Variants in DIXDC1 observed in about 807,000 individuals in gnomAD.
The protein encoded by DIXDC1 is dixin.
Under a neutral mutation model 103.1 loss-of-function variants are expected in DIXDC1, and 64 were observed. The ratio of observed to expected loss-of-function variants is 0.62; its 90% CI spans 0.51 to 0.76. The LOEUF (loss-of-function observed/expected upper bound fraction) is 0.76. Among genes scored for constraint, DIXDC1 ranks in the 30% least tolerant of loss-of-function variants. DIXDC1 has a pLI of 0.00. For synonymous variants in DIXDC1, 266 were observed against 298.5 expected, an observed-to-expected ratio of 0.89 and a Z score of 1.12; for missense variants, 759 against 834.2, an observed-to-expected ratio of 0.91 and a Z score of 1.11.
At chr11:111,947,141 G>C (rs983084840) in intron 1 of DIXDC1, among the ~76,000 whole-genome samples, 2 of 152,088 alleles carry the variant, frequency 1.3e-5, no homozygotes, top group African/African-American at 2.4e-5. Context: ...TAGGGGTGGG[G>C]GCTTGAGGGT....
intron 1 of DIXDC1, among the ~76,000 whole-genome samples, chr11:111,953,001 C>T (rs781950116): frequency 6.6e-6 from 1 of 151,714 alleles, no homozygotes; most frequent in African/African-American, 2.4e-5. Context: ...AAAAACCAAA[C>T]AAAGAAAAAA....
At chr11:111,997,382 C>G (rs1555175494) in intron 17 of DIXDC1, among the ~76,000 whole-genome samples, 1 of 151,796 alleles carries the variant, frequency 6.6e-6, no homozygotes, top group South Asian at 2.1e-4. Flanking sequence ...GTTGCCCAGG[C>G]TGGAGTGCAG....
intron 17 of DIXDC1, among the ~76,000 whole-genome samples, chr11:112,011,195 A>G (rs1254397754): frequency 6.6e-6 from 1 of 152,256 alleles, no homozygotes; most frequent in African/African-American, 2.4e-5. Context: ...CAACAGACAC[A>G]TGAAAAAATG....
intron 7 of DIXDC1, among the ~76,000 whole-genome samples, chr11:111,983,959 T>C (rs1194849321): frequency 1.3e-5 from 2 of 152,218 alleles, no homozygotes; most frequent in Non-Finnish European, 2.9e-5. Flanking sequence ...TAGAACCCTT[T>C]GAACAGTTTG....
intron 17 of DIXDC1, among the ~76,000 whole-genome samples, chr11:112,013,323 GGGGTGGGGT>G (rs1408428697): frequency 7.5e-6 from 1 of 133,578 alleles, no homozygotes; most frequent in African/African-American, 2.9e-5. Flanking sequence ...TCGGGGGGTG[GGGGTGGGGT>G]GGGGGGGGGG....
chr11:111,929,574 C>T (rs1262497360), intron 1 of DIXDC1, among the ~76,000 whole-genome samples: 1 of 140,976 alleles, frequency 7.1e-6, no homozygotes, highest in Non-Finnish European at 1.5e-5. Context: ...CGGAGTGAGA[C>T]CTTATCTCTA....
At chr11:112,015,233 T>A (rs985790146) in intron 17 of DIXDC1, 14 of 152,190 alleles carry the variant, frequency 9.2e-5, no homozygotes, top group African/African-American at 3.4e-4. Flanking sequence ...GAATGCCATT[T>A]GTGTTCAAAG....
intron 1 of DIXDC1, among the ~76,000 whole-genome samples, chr11:111,962,429 C>G (rs1859612044): frequency 6.6e-6 from 1 of 151,836 alleles, no homozygotes; most frequent in South Asian, 2.1e-4. Flanking sequence ...TTGCAATGAG[C>G]TGAGATCATG....
At position 111,958,078 on chromosome 11, in the gene DIXDC1, G is replaced by T. The variant is rs1859446893; in HGVS notation, c.61-6471G>T. ...CCTGGGCATCCCTGTGCTCTTGGGG[G>T]CCAGGAGCAGGCAGGAGCCCCACCC... On this transcript the variant is annotated intron_variant, in intron 1 of 19. Transcript: ENST00000440460. This position sits in a 1 kb window ranked among gnomAD's most constrained non-coding sequence, Gnocchi z 4.2. Among the ~76,000 whole-genome samples, 1 of 152,168 alleles carries T rather than the reference G, an allele frequency of 6.6e-6. No individual in the cohort carries two copies. Among genetic ancestry groups the T allele is most frequent in the Non-Finnish European group, 1.5e-5 (1 of 68,002 alleles).
At chr11:111,930,940 G>A (rs1007939705) in intron 2 of DIXDC1, among the ~76,000 whole-genome samples, 3 of 139,716 alleles carry the variant, frequency 2.1e-5, no homozygotes, top group Admixed American at 7.8e-5. Context: ...TGCAACCTCC[G>A]CCTCCTGGGT....
chr11:111,967,259 C>G (rs1366030394), intron 2 of DIXDC1, among the ~76,000 whole-genome samples: 3 of 152,170 alleles, frequency 2.0e-5, no homozygotes, highest in African/African-American at 7.2e-5. Context: ...TTCACACATC[C>G]TAATCAGAAA....
In DIXDC1 at chr11:112,021,120, T is replaced by C. The variant is rs1555178422; in HGVS notation, c.*2084T>C. On this transcript the variant is annotated 3_prime_UTR_variant, in exon 20 of 20. Transcript: ENST00000440460. Reference sequence around the variant, plus strand: ...CTCTCAGCAAACAGTCTTACTATTATGTGGAATTTAACTTTTCAGAGAAAA... The same window carrying C: ...CTCTCAGCAAACAGTCTTACTATTACGTGGAATTTAACTTTTCAGAGAAAA... 6.6e-6 allele frequency: 1 copy of C among 152,238 alleles called. No homozygotes were observed. 9.4% of individuals were successfully genotyped at this position (152,238 alleles called of 1,614,324 possible).
intron 17 of DIXDC1, among the ~76,000 whole-genome samples, chr11:112,012,503 AT>A (rs1344063672): frequency 2.6e-5 from 4 of 152,158 alleles, no homozygotes; most frequent in African/African-American, 9.7e-5. Flanking sequence ...TTAAAGATCT[AT>A]TTTTTTAAGT....
intron 2 of DIXDC1, among the ~76,000 whole-genome samples, chr11:111,930,316 C>CTA (rs1475513051): frequency 6.6e-6 from 1 of 152,098 alleles, no homozygotes; most frequent in Non-Finnish European, 1.5e-5. Flanking sequence ...CTTGCAGTCA[C>CTA]TATATATACA....
chr11:111,972,595 G>A (rs587696530), intron 3 of DIXDC1, among the ~76,000 whole-genome samples: 1 of 152,278 alleles, frequency 6.6e-6, no homozygotes, highest in East Asian at 1.9e-4. Flanking sequence ...CATGCCCTGT[G>A]TGATCCACCC....
chr11:111,947,536 C>T (rs1232173050), intron 1 of DIXDC1, among the ~76,000 whole-genome samples: 10 of 152,300 alleles, frequency 6.6e-5, no homozygotes, highest in African/African-American at 2.2e-4. Context: ...TCAGAGCTGG[C>T]AGTGGGCATT....
chr11:112,001,623 T>C (rs1555176009), intron 17 of DIXDC1, among the ~76,000 whole-genome samples: 1 of 152,086 alleles, frequency 6.6e-6, no homozygotes, highest in Non-Finnish European at 1.5e-5. Context: ...GATGAAATCA[T>C]AGTGCAGTCA....
chr11:111,950,426 A>ATG (rs1966747330), intron 1 of DIXDC1, among the ~76,000 whole-genome samples: 1 of 28,900 alleles, frequency 3.5e-5, no homozygotes, highest in African/African-American at 8.3e-5. Context: ...ATATATATAT[A>ATG]TATATATATA....
intron 1 of DIXDC1, among the ~76,000 whole-genome samples, chr11:111,948,122 G>T (rs1555169539): frequency 6.6e-6 from 1 of 152,152 alleles, no homozygotes; most frequent in African/African-American, 2.4e-5. Context: ...TAGCCTCCCA[G>T]TTCCTGGACT....
Sources: allele counts gnomAD v4.1 joint callset (sites outside exome capture counted in the v4.1 genomes callset), GRCh38; gene constraint gnomAD v4.1.1; non-coding constraint Gnocchi (gnomAD v3.1); transcripts MANE v1.5; gene names NCBI Gene and HGNC (gene_info 2026-07-23, HGNC 2026-07-21).